ATP12A: variants seen among roughly 807,000 people sequenced by gnomAD.
ATP12A encodes ATPase H+/K+ transporting non-gastric alpha2 subunit, also known as potassium-transporting ATPase alpha chain 2.
ATP12A carries 81 observed loss-of-function variants against 111.2 expected under a neutral mutation model. That is an observed-to-expected ratio of 0.73 (90% CI 0.61 to 0.88). ATP12A has a LOEUF of 0.88. ATP12A is among the 40% of genes least tolerant of loss of function. The probability of loss-of-function intolerance (pLI) is 0.00; values close to 1 mark genes in which losing one functional copy is unlikely to be tolerated. For synonymous variants in ATP12A, 498 were observed against 499.8 expected (o/e 1.00, Z 0.05); for missense variants, 1,196 against 1,313.1 (o/e 0.91, Z 1.38).
intron 3 of ATP12A, among the ~76,000 whole-genome samples, chr13:24,687,652 C>A (rs990106060): frequency 6.6e-6 from 1 of 152,210 alleles, no homozygotes; most frequent in African/African-American, 2.4e-5. Context: ...CTCACATGGG[C>A]TCAGGGCTTG....
In ATP12A at chr13:24,709,955, G is replaced by A. The variant is rs1875890595; in HGVS notation, c.2763+127G>A. On this transcript the variant is annotated intron_variant, in intron 19 of 22. Transcript: ENST00000381946. Reference sequence around the variant, plus strand: ...AAAGCTTCAATTAATAGGGCTCAGGGCCCCCTTGCTGACACGTGTTTGGCC... The same window carrying A: ...AAAGCTTCAATTAATAGGGCTCAGGACCCCCTTGCTGACACGTGTTTGGCC... 6 of 1,385,248 alleles carry A rather than the reference G, an allele frequency of 4.3e-6. No homozygotes were observed. In the South Asian group the frequency reaches 6.7e-5, roughly 16 times the overall value. 85.8% of individuals were successfully genotyped at this position (1,385,248 alleles called of 1,614,324 possible).
chr13:24,694,302 C>T (rs1875036296), intron 10 of ATP12A, 142 bp from the exon 11 acceptor site: 3 of 1,076,304 alleles, frequency 2.8e-6, no homozygotes, highest in Admixed American at 4.7e-5. Flanking sequence ...TTACCACGGT[C>T]TTGCGGCCCT....
intron 1 of ATP12A, among the ~76,000 whole-genome samples, chr13:24,681,092 G>C (rs2137683021): frequency 6.6e-6 from 1 of 152,318 alleles, no homozygotes; most frequent in South Asian, 2.1e-4. Flanking sequence ...AAGACTTCCG[G>C]TTAGGGCCCC....
intron 11 of ATP12A, among the ~76,000 whole-genome samples, chr13:24,697,413 T>A (rs558625437): frequency 6.2e-4 from 95 of 152,098 alleles, no homozygotes; most frequent in South Asian, 6.2e-4. Flanking sequence ...GAAGGCAGAT[T>A]GCTTGAGCCC....
At chr13:24,689,091 T>TAA (rs11423345) in intron 4 of ATP12A, among the ~76,000 whole-genome samples, 171 bp from the exon 5 acceptor site, 10 of 148,356 alleles carry the variant, frequency 6.7e-5, no homozygotes, top group Non-Finnish European at 1.2e-4. Context: ...TCTGTAAACT[T>TAA]AAAAAAAAAA....
At position 24,709,390 on chromosome 13, in the gene ATP12A, G is replaced by C. The variant is rs1222975491; in HGVS notation, c.2520G>C (p.Glu840Asp). 1.2e-6 allele frequency: 2 copies of C among 1,613,374 alleles called. No homozygotes were observed. The highest frequency in any genetic ancestry group is 3.3e-5 in the Admixed American group (2 of 59,924). Residue 840 changes from glutamate (E) to aspartate (D), a missense_variant, in exon 18 of 23, where the codon GAG becomes GAC. Around this residue, in one of 3 missense-constraint regions of ATP12A, gnomAD observed 1,126 missense variants for 1,228.5 expected, o/e 0.92. Coordinates refer to ENST00000381946, the MANE Select transcript of ATP12A (RefSeq NM_001676.7). ...TCCCCTCCATTGCCTTGGCGTACGA[G>C]AAAGCTGAAAGTGACATCATGAACA... ...DIIPSIALAY[E>D]KAESDIMNRK...
intron 17 of ATP12A, among the ~76,000 whole-genome samples, 197 bp from the exon 18 acceptor site, chr13:24,709,167 A>C (rs933576885): frequency 1.3e-5 from 2 of 152,150 alleles, no homozygotes; most frequent in Non-Finnish European, 1.5e-5. Flanking sequence ...GGGTGATAAA[A>C]AGCAGCTGAT....
chr13:24,682,367 GGTGTGTGGTGT>G (rs1308926396), intron 2 of ATP12A, among the ~76,000 whole-genome samples: 3 of 138,052 alleles, frequency 2.2e-5, no homozygotes, highest in Admixed American at 7.1e-5. Flanking sequence ...GTATATGTGT[GGTGTGTGGTGT>G]GTGTGTGGTG....
In ATP12A at chr13:24,692,780, C is replaced by T; in HGVS notation, c.1268-7C>T. ...ACAGCAGCCACTGTTCTTTCTCTGT[C>T]TTCCAGACCAAGTCTTTGACCAAAG... On this transcript the variant is annotated splice_polypyrimidine_tract_variant and splice_region_variant and intron_variant, in intron 9 of 22. Transcript: ENST00000381946. 1 of 1,613,556 alleles carries T rather than the reference C, an allele frequency of 6.2e-7. No homozygotes were observed. Among genetic ancestry groups the T allele is most frequent in the Non-Finnish European group, 8.5e-7 (1 of 1,179,442 alleles).
In ATP12A at chr13:24,690,673, C is replaced by T. The variant is rs1874856248; in HGVS notation, c.751C>T (p.Pro251Ser). 1 of 1,613,860 alleles carries T rather than the reference C, an allele frequency of 6.2e-7. No individual in the cohort carries two copies. The highest frequency in any genetic ancestry group is 8.5e-7 in the Non-Finnish European group (1 of 1,179,990). ...CTCCTCTGAGTTTACCCATGAAAAC[C>T]CCCTGGAAACAAAGAACATCTGCTT... Reference protein sequence around the residue: ...PRSSEFTHENPLETKNICFYS... With the variant: ...PRSSEFTHENSLETKNICFYS... The change falls in exon 7 of 23, where the codon CCC becomes TCC. Residue 251 changes from proline to serine, a missense_variant. Physicochemically the swap from Pro to Ser is moderately conservative, Grantham distance 74 (BLOSUM62 -1). Coordinates refer to ENST00000381946, the MANE Select transcript of ATP12A (RefSeq NM_001676.7).
chr13:24,710,380 A>C, intron 19 of ATP12A, 80 bp from the exon 20 acceptor site: 1 of 1,545,770 alleles, frequency 6.5e-7, no homozygotes, highest in South Asian at 1.2e-5. Context: ...AAGAACATGA[A>C]GCTTTAGAGA....
chr13:24,685,963 TA>T lies in ATP12A; in HGVS notation c.228+592del, dbSNP rs374528758. Among the ~76,000 whole-genome samples, 17 of 152,334 alleles carry T rather than the reference TA, an allele frequency of 1.1e-4. No individual in the cohort carries two copies. The East Asian group carries it at 2.9e-3, about 26-fold the overall frequency. ...AGCTGTCAAAGTATTCACATTAAAC[TA>T]ATGAGTAGGAGCTGTCTTAGAGGCA... is the stretch of plus-strand genomic sequence containing the variant. On this transcript the variant is annotated intron_variant, in intron 3 of 22. Transcript: ENST00000381946. This position sits in a 1 kb window ranked among gnomAD's most constrained non-coding sequence, Gnocchi z 5.5.
rs768196355 is a variant in ATP12A, at chr13:24,685,308, CT to C, written c.169-4del. On this transcript the variant is annotated splice_region_variant and splice_polypyrimidine_tract_variant and intron_variant, in intron 2 of 22. Coordinates refer to ENST00000381946, the MANE Select transcript of ATP12A (RefSeq NM_001676.7). This position sits in a 1 kb window ranked among gnomAD's most constrained non-coding sequence, Gnocchi z 5.5. The stretch of plus-strand genomic sequence containing the variant: ...TTCACTCTGTTCTTCCTTTCATGGA[CT>C]TCAGGATGACCACAAACTCAGCAAT... 125 of 1,613,246 alleles carry C rather than the reference CT, an allele frequency of 7.7e-5. No homozygotes were observed. The highest frequency in any genetic ancestry group is 1.0e-4 in the Non-Finnish European group (119 of 1,179,314).
At position 24,685,247 on chromosome 13, in the gene ATP12A, C is replaced by G; in HGVS notation, c.169-67C>G. On this transcript the variant is annotated intron_variant, in intron 2 of 22. Coordinates refer to ENST00000381946, the MANE Select transcript of ATP12A (RefSeq NM_001676.7). This position sits in a 1 kb window ranked among gnomAD's most constrained non-coding sequence, Gnocchi z 5.5. ...GCTACTCCCAGCTTCCATGGCTGGT[C>G]AAAGCTTGGGGCTTGAGTCTTTTGG... The G allele has an allele frequency of 6.6e-7, 1 of 1,514,158 alleles. No homozygotes were observed. Among genetic ancestry groups the G allele is most frequent in the Non-Finnish European group, 9.2e-7 (1 of 1,089,532 alleles). The allele number at this position is 1,514,158 out of a possible 1,614,324, so 93.8% of individuals were successfully genotyped here.
intron 11 of ATP12A, 95 bp from the exon 12 acceptor site, chr13:24,698,563 G>T (rs958287972): frequency 1.4e-5 from 18 of 1,316,728 alleles, no homozygotes; most frequent in Non-Finnish European, 1.3e-5. Flanking sequence ...GGATGCCATT[G>T]TGCCTCTTCC....
chr13:24,704,416 C>T (rs1337869414), intron 14 of ATP12A: 1 of 152,272 alleles, frequency 6.6e-6, no homozygotes, highest in Non-Finnish European at 1.5e-5. Context: ...TTTGGCCTTC[C>T]ATTCAAGGAT....
rs751163205 is a variant in ATP12A at position 24,707,071 on chromosome 13, C to T, written c.2218C>T (p.Leu740=). 8 of 1,613,670 alleles carry T rather than the reference C, an allele frequency of 5.0e-6. No individual in the cohort carries two copies. The Admixed American group carries it at 1.3e-4, about 27-fold the overall frequency. The part of the protein sequence containing the change: ...TGDGVNDSPA[L]KKADIGIAMG... ...GGATGGAGTTAATGACTCTCCGGCT[C>T]TAAAGAAGGCAGACATTGGGATTGC... is the stretch of plus-strand genomic sequence containing the variant. Residue 740 remains leucine, a synonymous_variant, in exon 16 of 23, where the codon CTA becomes TTA. Transcript: ENST00000381946.
chr13:24,682,401 A>ACGTGTG (rs1555253823), intron 2 of ATP12A, among the ~76,000 whole-genome samples: 12 of 131,138 alleles, frequency 9.2e-5, no homozygotes. Flanking sequence ...TGGTGTGTGT[A>ACGTGTG]TGTGTGTGTG....
Position 24,685,328 on chromosome 13 carries a change from C to A in ATP12A, c.183C>A (p.Leu61=). 6.2e-7 allele frequency: 1 copy of A among 1,614,038 alleles called. No individual in the cohort carries two copies. The highest frequency in any genetic ancestry group is 8.5e-7 in the Non-Finnish European group (1 of 1,179,948). The change falls in exon 3 of 23, where the codon CTC becomes CTA. Residue 61 remains leucine, a synonymous_variant. Coordinates refer to ENST00000381946, the MANE Select transcript of ATP12A (RefSeq NM_001676.7). This position sits in a 1 kb window ranked among gnomAD's most constrained non-coding sequence, Gnocchi z 5.5. ...QKELHLDDHK[L]SNRELEEKYG... The stretch of plus-strand genomic sequence containing the variant: ...ATGGACTTCAGGATGACCACAAACT[C>A]AGCAATAGGGAATTGGAAGAGAAAT...
Sources: allele counts gnomAD v4.1 joint callset (sites outside exome capture counted in the v4.1 genomes callset), GRCh38; gene constraint gnomAD v4.1.1; regional missense constraint gnomAD v4.1.1; non-coding constraint Gnocchi (gnomAD v3.1); transcripts MANE v1.5; gene names NCBI Gene and HGNC (gene_info 2026-07-23, HGNC 2026-07-21).